Variants in CELF2 observed in about 807,000 individuals in gnomAD.
The protein encoded by CELF2 is CUGBP Elav-like family member 2.
CELF2 carries 8 observed loss-of-function variants against 62.6 expected under a neutral mutation model. The ratio of observed to expected loss-of-function variants is 0.13; its 90% CI spans 0.07 to 0.23. The LOEUF is 0.23. CELF2 is among the 10% of genes least tolerant of loss of function. CELF2 has a pLI of 1.00. For missense variants in CELF2, 333 were observed against 671.0 expected, an observed-to-expected ratio of 0.50 and a Z score of 5.56; for synonymous variants, 258 against 250.0, an observed-to-expected ratio of 1.03 and a Z score of -0.30.
At chr10:11,112,188 C>T (rs779003788) in intron 1 of CELF2, among the ~76,000 whole-genome samples, 5 of 152,202 alleles carry the variant, frequency 3.3e-5, no homozygotes, top group Admixed American at 6.5e-5. Flanking sequence ...TTACTGGGTG[C>T]GAATGTCTTT....
the CELF2 span, among the ~76,000 whole-genome samples, chr10:10,697,648 C>T: frequency 1.3e-5 from 2 of 152,134 alleles, no homozygotes; most frequent in African/African-American, 2.4e-5. Context: ...TAGCTGCATC[C>T]TCACATGGCA....
intron 1 of CELF2, among the ~76,000 whole-genome samples, chr10:10,913,873 A>C (rs2064065640): frequency 8.4e-6 from 1 of 118,364 alleles, no homozygotes; most frequent in African/African-American, 3.3e-5. Flanking sequence ...GAAGGAAGGA[A>C]GGAAGGAAGG....
At chr10:10,810,355 G>T (rs1436516071) in intron 1 of CELF2, among the ~76,000 whole-genome samples, 1 of 150,878 alleles carries the variant, frequency 6.6e-6, no homozygotes. Context: ...ACTAATATTT[G>T]TGGAGGAGGC....
intron 1 of CELF2, among the ~76,000 whole-genome samples, chr10:11,070,880 T>TA (rs1459595658): frequency 6.6e-6 from 1 of 152,130 alleles, no homozygotes; most frequent in African/African-American, 2.4e-5. Flanking sequence ...AACATAGAGA[T>TA]ACTTGGTAAC....
the CELF2 span, among the ~76,000 whole-genome samples, chr10:10,759,686 A>G: frequency 6.8e-4 from 104 of 152,086 alleles, 1 homozygote; most frequent in Admixed American, 4.4e-3. Flanking sequence ...CTAACAACAC[A>G]TAGGAGAATC....
At chr10:10,493,922 A>G in the CELF2 span, among the ~76,000 whole-genome samples, 1 of 152,144 alleles carries the variant, frequency 6.6e-6, no homozygotes, top group Non-Finnish European at 1.5e-5. Flanking sequence ...CCTAGAAAGT[A>G]CCATTTTGCC....
At chr10:11,132,929 GGT>G in intron 1 of CELF2, among the ~76,000 whole-genome samples, 1 of 152,302 alleles carries the variant, frequency 6.6e-6, no homozygotes, top group African/African-American at 2.4e-5. Flanking sequence ...TAATCTAAGA[GGT>G]GATGGTGGTG....
chr10:10,974,188 C>T (rs1327240702), intron 2 of CELF2, among the ~76,000 whole-genome samples: 2 of 152,082 alleles, frequency 1.3e-5, no homozygotes, highest in Middle Eastern at 3.2e-3. Flanking sequence ...TGATGTGTGC[C>T]GAGCACACAG....
intron 1 of CELF2, among the ~76,000 whole-genome samples, chr10:10,832,530 C>T (rs950090441): frequency 6.6e-5 from 10 of 152,152 alleles, no homozygotes; most frequent in African/African-American, 2.4e-4. Context: ...GGACAAATGC[C>T]ATGTTTATAG....
chr10:11,232,949 A>C (rs2069374273), intron 3 of CELF2, among the ~76,000 whole-genome samples: 2 of 152,186 alleles, frequency 1.3e-5, no homozygotes, highest in Admixed American at 1.3e-4. Context: ...CAGACACTAT[A>C]GCTTGGACTC....
exon 1 of CELF2, chr10:10,798,807 A>C: frequency 2.5e-6 from 1 of 398,706 alleles, no homozygotes; most frequent in Non-Finnish European, 4.4e-6. Flanking sequence ...GAAAAACTGG[A>C]AAGTTTTAAG....
intron 2 of CELF2, among the ~76,000 whole-genome samples, chr10:10,992,219 T>C (rs2053516175): frequency 6.6e-6 from 1 of 152,222 alleles, no homozygotes; most frequent in Admixed American, 6.5e-5. Flanking sequence ...GTTTGGCAGA[T>C]CTAGGTTAGG....
chr10:10,814,244 G>A (rs537519840), intron 1 of CELF2, among the ~76,000 whole-genome samples: 1 of 100,542 alleles, frequency 9.9e-6, no homozygotes, highest in African/African-American at 3.8e-5. Flanking sequence ...AAAAAAAGCT[G>A]CTCTAAAGGG....
intron 2 of CELF2, among the ~76,000 whole-genome samples, chr10:11,187,792 T>C (rs996618383): frequency 2.6e-5 from 4 of 152,344 alleles, no homozygotes; most frequent in Non-Finnish European, 4.4e-5. Flanking sequence ...TGTTGCTGTT[T>C]TTACATTTTG....
rs865898589 is a variant in CELF2, at chr10:10,931,176, G to A, written c.89+11177G>A. 3.3e-5 allele frequency among the ~76,000 whole-genome samples: 5 copies of A among 151,982 alleles called. No individual in the cohort carries two copies. The highest frequency in any genetic ancestry group is 1.9e-4 in the East Asian group (1 of 5,196). On this transcript the variant is annotated intron_variant, in intron 2 of 13. Coordinates refer to the CELF2 transcript ENST00000636488. The surrounding 1 kb of genome is among the most constrained non-coding windows in gnomAD (Gnocchi z 6.1). ...CCTTTTCCTTCTTTCTGGCGAATAC[G>A]CAGTTTTCCTTTTGGACTGAAACCA...
the CELF2 span, among the ~76,000 whole-genome samples, chr10:10,523,628 G>A: frequency 6.1e-4 from 93 of 151,314 alleles, no homozygotes; most frequent in Admixed American, 1.1e-3. Context: ...ACGGGGCTGG[G>A]GACATCATGA....
intron 1 of CELF2, among the ~76,000 whole-genome samples, chr10:10,848,298 T>C (rs1257611662): frequency 1.3e-5 from 2 of 152,188 alleles, no homozygotes; most frequent in East Asian, 3.8e-4. Context: ...ATTTTACCCA[T>C]CTAAAGTTTA....
the CELF2 span, among the ~76,000 whole-genome samples, chr10:10,717,657 G>A: frequency 6.6e-6 from 1 of 152,152 alleles, no homozygotes; most frequent in Non-Finnish European, 1.5e-5. Context: ...AATGCAGGAA[G>A]AATTTATCAC....
At chr10:10,631,487 A>G in the CELF2 span, among the ~76,000 whole-genome samples, 6 of 152,220 alleles carry the variant, frequency 3.9e-5, no homozygotes, top group South Asian at 4.1e-4. Flanking sequence ...GCAGGGATAA[A>G]GAACGTTTCA....
Sources: gnomAD v4.1 joint callset for allele counts (sites outside exome capture counted in the v4.1 genomes callset) on GRCh38, gnomAD v4.1.1 for gene constraint, Gnocchi (gnomAD v3.1) non-coding constraint, MANE v1.5 for transcripts, NCBI Gene and HGNC (gene_info 2026-07-23, HGNC 2026-07-21) for gene names.